ANXA4: variants seen among roughly 807,000 people sequenced by gnomAD.
The protein encoded by ANXA4 is 35-beta calcimedin.
Under a neutral mutation model 49.8 loss-of-function variants are expected in ANXA4, and 39 were observed. The ratio of observed to expected loss-of-function variants is 0.78; its 90% CI spans 0.61 to 1.02. The LOEUF (loss-of-function observed/expected upper bound fraction) is 1.02, where lower values mean the gene tolerates loss of function less well. ANXA4 is among the 50% of genes least tolerant of loss of function. The probability of loss-of-function intolerance (pLI) is 0.00; values close to 1 mark genes in which losing one functional copy is unlikely to be tolerated. For synonymous variants in ANXA4, 134 were observed against 152.5 expected (o/e 0.88, Z 0.89); for missense variants, 360 against 410.1 (o/e 0.88, Z 1.05).
chr2:69,748,553 G>A (rs1670714155), intron 1 of ANXA4, among the ~76,000 whole-genome samples: 1 of 149,964 alleles, frequency 6.7e-6, no homozygotes. Context: ...ATGTTAACTT[G>A]CATTATTAAT....
At chr2:69,650,528 T>G (rs1415848829) in intron 1 of ANXA4, among the ~76,000 whole-genome samples, 1 of 151,876 alleles carries the variant, frequency 6.6e-6, no homozygotes, top group Non-Finnish European at 1.5e-5. Flanking sequence ...CAGGCTGGAG[T>G]GCAGTGGCAT....
intron 4 of ANXA4, among the ~76,000 whole-genome samples, chr2:69,805,046 C>CAAAAAAAAAAAAAAA (rs60172949): frequency 2.8e-5 from 1 of 35,878 alleles, no homozygotes; most frequent in African/African-American, 7.7e-5. Context: ...GACTCCATCT[C>CAAAAAAAAAAAAAAA]AAAAAAAAAA....
At chr2:69,662,820 A>T (rs1473473279) in intron 2 of ANXA4, among the ~76,000 whole-genome samples, 1 of 152,062 alleles carries the variant, frequency 6.6e-6, no homozygotes. Context: ...GATAAAATAC[A>T]GGACACTTAG....
chr2:69,763,959 C>T (rs1403461505), intron 1 of ANXA4, among the ~76,000 whole-genome samples: 1 of 152,150 alleles, frequency 6.6e-6, no homozygotes, highest in Admixed American at 6.5e-5. Flanking sequence ...CCGCACCTGA[C>T]CTTAGTTTTT....
chr2:69,758,057 A>G (rs529842286), intron 1 of ANXA4, among the ~76,000 whole-genome samples: 1 of 151,632 alleles, frequency 6.6e-6, no homozygotes, highest in Admixed American at 6.6e-5. Flanking sequence ...TTTCATCTCT[A>G]TCCCAGTGTA....
At chr2:69,701,094 C>T (rs1332405046) in intron 2 of ANXA4, among the ~76,000 whole-genome samples, 9 of 152,064 alleles carry the variant, frequency 5.9e-5, no homozygotes, top group African/African-American at 1.7e-4. Context: ...AGGCTGGTCT[C>T]GAACTCCTGA....
intron 2 of ANXA4, among the ~76,000 whole-genome samples, chr2:69,785,931 C>T (rs1672396670): frequency 6.6e-6 from 1 of 152,176 alleles, no homozygotes; most frequent in African/African-American, 2.4e-5. Context: ...CCAGGCTTAT[C>T]CTAAGTCCCT....
At chr2:69,675,129 A>G (rs151187770) in intron 2 of ANXA4, among the ~76,000 whole-genome samples, 1 of 152,070 alleles carries the variant, frequency 6.6e-6, no homozygotes, top group Non-Finnish European at 1.5e-5. Context: ...TCACTGTGTT[A>G]GCCAGGATGG....
At chr2:69,738,275 G>T (rs911109482), upstream of ANXA4, among the ~76,000 whole-genome samples, 1 of 152,116 alleles carries the variant, frequency 6.6e-6, no homozygotes, top group Admixed American at 6.6e-5. Context: ...TTGCATAAAT[G>T]ATTACATCTC....
chr2:69,712,974 A>G (rs1678722073), intron 2 of ANXA4, among the ~76,000 whole-genome samples: 2 of 152,118 alleles, frequency 1.3e-5, no homozygotes, highest in South Asian at 2.1e-4. Flanking sequence ...AGCTCAGATG[A>G]CCAGAGTGGA....
At chr2:69,647,666 C>G (rs1676061621) in intron 1 of ANXA4, among the ~76,000 whole-genome samples, 1 of 152,022 alleles carries the variant, frequency 6.6e-6, no homozygotes. Flanking sequence ...ACCTTGGCCT[C>G]CCAAAATGCT....
At chr2:69,800,065 TAAG>T (rs4067501) in intron 3 of ANXA4, among the ~76,000 whole-genome samples, 9,543 of 152,186 alleles carry the variant, frequency 0.063, 803 homozygotes, top group Admixed American at 0.21. Flanking sequence ...TCAGAACTAT[TAAG>T]TGGTATATTC....
chr2:69,803,677 G>A (rs1371132855), intron 3 of ANXA4, among the ~76,000 whole-genome samples: 1 of 152,126 alleles, frequency 6.6e-6, no homozygotes, highest in Admixed American at 6.5e-5. Flanking sequence ...AAAACACAGT[G>A]AATGCAGTAA....
chr2:69,651,886 G>A (rs1676262035), intron 1 of ANXA4, among the ~76,000 whole-genome samples: 1 of 141,354 alleles, frequency 7.1e-6, no homozygotes, highest in Non-Finnish European at 1.5e-5. Context: ...CGTGATCTCA[G>A]CTCATTCCAG....
chr2:69,801,403 G>GTT lies in ANXA4; in HGVS notation c.98-3121_98-3120dup, dbSNP rs11404114. On this transcript the variant is annotated intron_variant, in intron 3 of 12. Transcript: ENST00000394295. ...CTTTTGCCCTCACTATCTGTTTTTT[G>GTT]TTTTTTTTTTCTTTTTTGAGATGGG... Among the ~76,000 whole-genome samples, 186 of 148,076 alleles carry GTT rather than the reference G, an allele frequency of 1.3e-3. 1 individual carries two copies. Among genetic ancestry groups the GTT allele is most frequent in the African/African-American group, 3.6e-3 (145 of 40,370 alleles).
intron 2 of ANXA4, among the ~76,000 whole-genome samples, chr2:69,664,063 T>C (rs1676841841): frequency 6.6e-6 from 1 of 152,184 alleles, no homozygotes; most frequent in Middle Eastern, 3.2e-3. Flanking sequence ...AAATGAAGTT[T>C]CACTTAAAGA....
At chr2:69,770,292 A>G (rs1414559961) in intron 1 of ANXA4, among the ~76,000 whole-genome samples, 1 of 152,242 alleles carries the variant, frequency 6.6e-6, no homozygotes, top group Non-Finnish European at 1.5e-5. Context: ...AGTTACTCTC[A>G]TTTTCCTATT....
chr2:69,795,416 C>T (rs761319691), intron 3 of ANXA4, among the ~76,000 whole-genome samples: 16 of 152,164 alleles, frequency 1.1e-4, no homozygotes, highest in South Asian at 4.1e-4. Context: ...AGGACTCAAA[C>T]GGATGAATTG....
At chr2:69,669,198 G>A (rs1267202290) in intron 2 of ANXA4, among the ~76,000 whole-genome samples, 1 of 151,448 alleles carries the variant, frequency 6.6e-6, no homozygotes, top group Non-Finnish European at 1.5e-5. Flanking sequence ...ACCCGCCTCG[G>A]CCTCCCAAAG....
Sources: gnomAD v4.1 joint callset for allele counts (sites outside exome capture counted in the v4.1 genomes callset) on GRCh38, gnomAD v4.1.1 for gene constraint, MANE v1.5 for transcripts, NCBI Gene and HGNC (gene_info 2026-07-23, HGNC 2026-07-21) for gene names.